The following PLCG2 variants were observed in gnomAD, a reference collection of about 807,000 sequenced individuals.
PLCG2 encodes the protein 1-phosphatidylinositol 4,5-bisphosphate phosphodiesterase gamma-2.
In PLCG2, 69 loss-of-function variants were observed where a neutral mutation model predicts 175.6. The observed-to-expected ratio is 0.39, with a 90% CI of 0.32 to 0.48. The LOEUF (loss-of-function observed/expected upper bound fraction) is 0.48, where lower values mean the gene tolerates loss of function less well. PLCG2 is among the 20% of genes least tolerant of loss of function. PLCG2 has a pLI of 0.91. For synonymous variants in PLCG2, 827 were observed against 624.0 expected (o/e 1.33, Z -4.85); for missense variants, 1,798 against 1,650.9 (o/e 1.09, Z -1.54).
At chr16:81,882,055 C>T (rs1437092023) in intron 8 of PLCG2, among the ~76,000 whole-genome samples, 1 of 152,188 alleles carries the variant, frequency 6.6e-6, no homozygotes, top group Non-Finnish European at 1.5e-5. Context: ...GACTCCTGGA[C>T]CCTGAGTGTT....
At position 81,928,504 on chromosome 16, in the gene PLCG2, T is replaced by G. The variant is rs550380421; in HGVS notation, c.2515-54T>G. On this transcript the variant is annotated intron_variant, in intron 23 of 32. Transcript: ENST00000564138. ...AACGGTGTGCTTTGGAAACGGGTTT[T>G]CTTTTTATTATTCCCGTTACAACTA... 255 of 1,167,364 alleles carry G rather than the reference T, an allele frequency of 2.2e-4. 3 individuals carry two copies. The Middle Eastern group carries it at 4.0e-3, about 18-fold the overall frequency. 72.3% of individuals were successfully genotyped at this position (1,167,364 alleles called of 1,614,324 possible). A position where few individuals can be genotyped will look rare whatever the true frequency, so the allele number is the denominator to read the frequency against.
At position 81,858,307 on chromosome 16, in the gene PLCG2, A is replaced by G. The variant is rs746090454; in HGVS notation, c.382A>G (p.Ile128Val). 1 of 1,614,104 alleles carries G rather than the reference A, an allele frequency of 6.2e-7. No individual in the cohort carries two copies. The highest frequency in any genetic ancestry group is 2.2e-5 in the East Asian group (1 of 44,882). Residue 128 changes from isoleucine (I) to valine (V), a missense_variant, in exon 4 of 33, where the codon ATC becomes GTC. Physicochemically the swap from Ile to Val is conservative, Grantham distance 29 (BLOSUM62 3). Transcript: ENST00000564138. ...AGTTAACTGGCTCTCTGGCTTGAAA[A>G]TCTTACACCAGGAAGCGATGAATGC... ...DAVNWLSGLKILHQEAMNAST... is the reference protein window; with the variant it reads ...DAVNWLSGLKVLHQEAMNAST...
At chr16:81,821,788 T>G (rs562073764) in intron 2 of PLCG2, among the ~76,000 whole-genome samples, 87 of 152,230 alleles carry the variant, frequency 5.7e-4, no homozygotes, top group African/African-American at 2.1e-3. Flanking sequence ...TTTGCATAAC[T>G]TCCTACCCAA....
At chr16:81,759,853 G>A (rs990252772) in intron 2 of PLCG2, among the ~76,000 whole-genome samples, 7 of 152,250 alleles carry the variant, frequency 4.6e-5, no homozygotes, top group South Asian at 2.1e-4. Context: ...TAGGCCGGGC[G>A]TGGTGGCTCA....
At chr16:81,753,502 T>A (rs1218159947) in intron 1 of PLCG2, among the ~76,000 whole-genome samples, 2 of 151,890 alleles carry the variant, frequency 1.3e-5, no homozygotes, top group Non-Finnish European at 2.9e-5. Flanking sequence ...CACTGATGCC[T>A]CCACCTCCCA....
At chr16:81,741,507 A>C (rs1447784592) in intron 1 of PLCG2, among the ~76,000 whole-genome samples, 1 of 152,166 alleles carries the variant, frequency 6.6e-6, no homozygotes. Flanking sequence ...TTTGATACAC[A>C]TATAAAATAT....
At chr16:81,919,039 G>T (rs931733839) in intron 19 of PLCG2, among the ~76,000 whole-genome samples, 5 of 152,156 alleles carry the variant, frequency 3.3e-5, no homozygotes, top group African/African-American at 1.2e-4. Context: ...AGGCCATATG[G>T]TCTCTGTTGC....
intron 2 of PLCG2, among the ~76,000 whole-genome samples, chr16:81,817,728 C>G (rs1904614191): frequency 6.6e-6 from 1 of 152,200 alleles, no homozygotes; most frequent in African/African-American, 2.4e-5. Context: ...TCAAGCGACC[C>G]CCATGCCCTT....
At chr16:81,859,292 GA>G (rs1202246118) in intron 5 of PLCG2, 129 bp downstream of exon 5, 6 of 641,216 alleles carry the variant, frequency 9.4e-6, no homozygotes, top group Non-Finnish European at 1.4e-5. Flanking sequence ...GTGATCTGCG[GA>G]TGCCATGTTG....
At chr16:81,957,198 C>CCT (rs1911609039) in intron 32 of PLCG2, among the ~76,000 whole-genome samples, 1 of 152,090 alleles carries the variant, frequency 6.6e-6, no homozygotes. Context: ...ACTTGGGAGG[C>CCT]TGAGGCAGGA....
Position 81,870,839 on chromosome 16 carries a change from T to C in PLCG2, c.565-13T>C, listed in dbSNP as rs750350509. 17 of 1,512,426 alleles carry C rather than the reference T, an allele frequency of 1.1e-5. No homozygotes were observed. The highest frequency in any genetic ancestry group is 1.5e-5 in the Non-Finnish European group (17 of 1,101,272). The allele number at this position is 1,512,426 out of a possible 1,614,324, so 93.7% of individuals were successfully genotyped here. A position where few individuals can be genotyped will look rare whatever the true frequency, so the allele number is the denominator to read the frequency against. On this transcript the variant is annotated splice_polypyrimidine_tract_variant and intron_variant, in intron 6 of 32. Coordinates refer to ENST00000564138, the MANE Select transcript of PLCG2 (RefSeq NM_002661.5). ...CATCAAAAATCATGTGGTCACTTTT[T>C]TCATATTTACAGGAAATAGGAGCAC...
chr16:81,904,128 T>C (rs1339661191), intron 14 of PLCG2, among the ~76,000 whole-genome samples: 6 of 152,218 alleles, frequency 3.9e-5, no homozygotes. Context: ...CAAGGTGGTC[T>C]GCCCTCAGAG....
intron 14 of PLCG2, 143 bp from the exon 15 acceptor site, chr16:81,905,260 C>A (rs149962119): frequency 3.1e-6 from 2 of 639,134 alleles, no homozygotes; most frequent in Non-Finnish European, 5.7e-6. Flanking sequence ...GAGGGCAGAG[C>A]TGAACAGACT....
intron 17 of PLCG2, 28 bp from the exon 18 acceptor site, chr16:81,910,492 C>A (rs755226291): frequency 4.5e-5 from 73 of 1,609,284 alleles, no homozygotes; most frequent in Non-Finnish European, 6.1e-5. Flanking sequence ...TGCGTTCTCC[C>A]AGCACTGATG....
chr16:81,788,864 C>G (rs934701728), intron 2 of PLCG2, among the ~76,000 whole-genome samples: 5 of 152,184 alleles, frequency 3.3e-5, no homozygotes, highest in Non-Finnish European at 5.9e-5. Context: ...GGCCCAGAAA[C>G]CTGTTGCAGC....
chr16:81,741,855 C>G (rs1396363998), intron 1 of PLCG2, among the ~76,000 whole-genome samples: 1 of 152,174 alleles, frequency 6.6e-6, no homozygotes, highest in East Asian at 1.9e-4. Flanking sequence ...ATATCCATCA[C>G]TTCAAACGTT....
intron 2 of PLCG2, among the ~76,000 whole-genome samples, chr16:81,840,131 C>T (rs1905742031): frequency 6.6e-6 from 1 of 152,188 alleles, no homozygotes; most frequent in African/African-American, 2.4e-5. Context: ...TCCTCATTTT[C>T]TCATTGTCTC....
intron 5 of PLCG2, among the ~76,000 whole-genome samples, chr16:81,868,061 T>G (rs1355934423): frequency 6.6e-6 from 1 of 152,182 alleles, no homozygotes; most frequent in Admixed American, 6.5e-5. Context: ...TCATGCAGAT[T>G]CCTGTGACCG....
chr16:81,885,851 T>G (rs958544140), intron 9 of PLCG2, among the ~76,000 whole-genome samples: 1 of 152,196 alleles, frequency 6.6e-6, no homozygotes, highest in African/African-American at 2.4e-5. Context: ...TGTTGATGCG[T>G]GTTGTAATCA....
Sources: gnomAD v4.1 joint callset for allele counts (sites outside exome capture counted in the v4.1 genomes callset) on GRCh38, gnomAD v4.1.1 for gene constraint, MANE v1.5 for transcripts, NCBI Gene and HGNC (gene_info 2026-07-23, HGNC 2026-07-21) for gene names.